Variants in VPS13D observed in about 807,000 individuals in gnomAD.
VPS13D encodes the protein intermembrane lipid transfer protein VPS13D.
VPS13D carries 187 observed loss-of-function variants against 461.9 expected under a neutral mutation model. The observed-to-expected ratio is 0.40, with a 90% CI of 0.36 to 0.46. The LOEUF (loss-of-function observed/expected upper bound fraction) is 0.46, where lower values mean the gene tolerates loss of function less well. Among genes scored for constraint, VPS13D ranks in the 20% least tolerant of loss-of-function variants. The pLI, the probability that VPS13D is intolerant of heterozygous loss-of-function variation, is 0.60. For synonymous variants in VPS13D, 1,951 were observed against 1,986.3 expected (o/e 0.98, Z 0.47); for missense variants, 4,711 against 5,364.9 (o/e 0.88, Z 3.81).
At chr1:12,435,224 T>G (rs1232139134) in intron 65 of VPS13D, among the ~76,000 whole-genome samples, 2 of 151,442 alleles carry the variant, frequency 1.3e-5, no homozygotes, top group Non-Finnish European at 1.5e-5. Flanking sequence ...TTTGGGAGAC[T>G]GAGGTGAGCA....
intron 13 of VPS13D, among the ~76,000 whole-genome samples, chr1:12,263,764 A>G (rs537257290): frequency 6.6e-6 from 1 of 152,360 alleles, no homozygotes; most frequent in Non-Finnish European, 1.5e-5. Flanking sequence ...TAAACTTAGT[A>G]TTAACTAGCA....
intron 67 of VPS13D, among the ~76,000 whole-genome samples, chr1:12,470,752 G>T (rs918038963): frequency 7.9e-5 from 12 of 152,232 alleles, no homozygotes; most frequent in South Asian, 4.1e-4. Context: ...TTTTCTTGAA[G>T]AACTCATTTT....
rs72869517 is a variant in VPS13D at position 12,492,533 on chromosome 1, G to A, written c.12663-4967G>A. Among the ~76,000 whole-genome samples, 665 of 152,296 alleles carry A rather than the reference G, an allele frequency of 4.4e-3. 5 individuals carry two copies. Among genetic ancestry groups the A allele is most frequent in the African/African-American group, 0.015 (626 of 41,554 alleles). ...CAAGTGTTGGATATAGATCGCTAGG[G>A]CCCCTTAAATGCCTCATTGGCAGGA... On this transcript the variant is annotated intron_variant, in intron 67 of 69. Coordinates refer to ENST00000620676, the MANE Select transcript of VPS13D (RefSeq NM_015378.4).
chr1:12,335,689 G>A lies in VPS13D; in HGVS notation c.8429-16G>A. ...CTTTTTTAGTTCTCTTAATATCTCT[G>A]GGGGATTCTTTCTAGACCAGTATGT... On this transcript the variant is annotated splice_polypyrimidine_tract_variant and intron_variant, in intron 38 of 69. Transcript: ENST00000620676. The A allele has an allele frequency of 1.1e-5, 17 of 1,598,626 alleles. No homozygotes were observed. Among genetic ancestry groups the A allele is most frequent in the Non-Finnish European group, 1.4e-5 (16 of 1,171,988 alleles).
At chr1:12,389,584 A>G (rs532939032) in intron 60 of VPS13D, among the ~76,000 whole-genome samples, 1 of 152,102 alleles carries the variant, frequency 6.6e-6, no homozygotes, top group Non-Finnish European at 1.5e-5. Context: ...TACATGCACA[A>G]ACATGTTTTT....
At chr1:12,293,779 A>G (rs1357618720) in intron 24 of VPS13D, 75 bp downstream of exon 24, 1 of 1,451,430 alleles carries the variant, frequency 6.9e-7, no homozygotes, top group Non-Finnish European at 9.3e-7. Flanking sequence ...CTAGAGATGA[A>G]TCTGGAAGAG....
intron 23 of VPS13D, among the ~76,000 whole-genome samples, chr1:12,293,287 T>C (rs1451977481): frequency 6.6e-6 from 1 of 152,130 alleles, no homozygotes; most frequent in Non-Finnish European, 1.5e-5. Flanking sequence ...GGCCTCTGAG[T>C]GACCTCAGTG....
rs1643608236 is a variant in VPS13D, at chr1:12,343,165, T to A, written c.8885+114T>A. On this transcript the variant is annotated intron_variant, in intron 42 of 69. Transcript: ENST00000620676. ...AATGATTTTATTTTATTTTATTTTA[T>A]CTTATCTTATTTTATTTTATTTTTG... is the stretch of plus-strand genomic sequence containing the variant. 4 of 879,422 alleles carry A rather than the reference T, an allele frequency of 4.5e-6. 1 individual carries two copies. The South Asian group carries it at 1.6e-4, about 35-fold the overall frequency. 54.5% of individuals were successfully genotyped at this position (879,422 alleles called of 1,614,324 possible).
chr1:12,241,764 C>G (rs1640382884), intron 2 of VPS13D, among the ~76,000 whole-genome samples: 1 of 152,092 alleles, frequency 6.6e-6, no homozygotes, highest in African/African-American at 2.4e-5. Context: ...AGTATAATTC[C>G]TTTTGAAGAC....
chr1:12,356,338 T>C, intron 48 of VPS13D, 60 bp from the exon 49 acceptor site: 2 of 1,551,374 alleles, frequency 1.3e-6, no homozygotes, highest in Admixed American at 2.0e-5. Flanking sequence ...CATTCACCAT[T>C]TGCATCTCTT....
rs940179136 is a variant in VPS13D, at chr1:12,283,555, A to G, written c.5453A>G (p.Asp1818Gly). The G allele has an allele frequency of 1.9e-6, 3 of 1,614,230 alleles. No homozygotes were observed. The highest frequency in any genetic ancestry group is 2.5e-6 in the Non-Finnish European group (3 of 1,180,034). The stretch of plus-strand genomic sequence containing the variant: ...ATTGATGTTGATTTTAATTGCTTGG[A>G]TGTGCTGATCACACTGCAAACCTGG... ...RSIDVDFNCL[D>G]VLITLQTWVV... Residue 1818 changes from aspartate (D) to glycine (G), a missense_variant, in exon 21 of 70, where the codon GAT becomes GGT. Physicochemically the swap from Asp to Gly is moderately conservative, Grantham distance 94. Transcript: ENST00000620676.
At chr1:12,501,661 G>A (rs929965506) in intron 68 of VPS13D, among the ~76,000 whole-genome samples, 7 of 152,166 alleles carry the variant, frequency 4.6e-5, no homozygotes, top group Non-Finnish European at 1.0e-4. Flanking sequence ...TATGTGCCAG[G>A]GTGAGTAAGA....
At chr1:12,361,403 A>ATTTTTT (rs1297978975) in intron 50 of VPS13D, among the ~76,000 whole-genome samples, 14 of 133,998 alleles carry the variant, frequency 1.0e-4, no homozygotes, top group African/African-American at 3.7e-4. Context: ...TTATTTATTT[A>ATTTTTT]TTTTTTTTTT....
rs1352355535 is a variant in VPS13D, at chr1:12,279,605, T to C, written c.4557T>C (p.Thr1519=). The part of the protein sequence containing the change: ...TFSLSPDDLG[T]SSIMKIEGKF... ...CTCTTAGCCCAGATGACCTGGGAAC[T>C]TCTAGCATCATGAAGATTGAAGGAA... The change falls in exon 20 of 70, where the codon ACT becomes ACC. Residue 1519 remains threonine (T), a synonymous_variant. Transcript: ENST00000620676. The surrounding 1 kb of genome is among the most constrained non-coding windows in gnomAD (Gnocchi z 4.3). 1 of 1,612,894 alleles carries C rather than the reference T, an allele frequency of 6.2e-7. No homozygotes were observed. Among genetic ancestry groups the C allele is most frequent in the Non-Finnish European group, 8.5e-7 (1 of 1,179,274 alleles).
chr1:12,474,749 C>T (rs1036270473), intron 67 of VPS13D, among the ~76,000 whole-genome samples: 4 of 152,108 alleles, frequency 2.6e-5, no homozygotes, highest in African/African-American at 7.2e-5. Flanking sequence ...TCCTAATTCC[C>T]GAAATTTAAC....
chr1:12,429,328 T>C (rs961602450), intron 65 of VPS13D, among the ~76,000 whole-genome samples: 3 of 152,078 alleles, frequency 2.0e-5, no homozygotes, highest in Non-Finnish European at 4.4e-5. Flanking sequence ...GTTTCACTCT[T>C]GTCACCCAGG....
At chr1:12,254,968 C>T (rs1375057378) in intron 7 of VPS13D, among the ~76,000 whole-genome samples, 3 of 147,532 alleles carry the variant, frequency 2.0e-5, no homozygotes, top group East Asian at 2.0e-4. Flanking sequence ...TTTTTTGAGA[C>T]GGCATCTCGC....
At chr1:12,241,765 T>C (rs1640383039) in intron 2 of VPS13D, among the ~76,000 whole-genome samples, 1 of 152,234 alleles carries the variant, frequency 6.6e-6, no homozygotes, top group Non-Finnish European at 1.5e-5. Context: ...GTATAATTCC[T>C]TTTGAAGACC....
At position 12,276,076 on chromosome 1, in the gene VPS13D, C is replaced by T. The variant is rs1375929155; in HGVS notation, c.2488C>T (p.Arg830Ter). 3.7e-6 allele frequency: 6 copies of T among 1,613,888 alleles called. No individual in the cohort carries two copies. Among genetic ancestry groups the T allele is most frequent in the Non-Finnish European group, 3.4e-6 (4 of 1,180,032 alleles). ...SFMDLQIMVG[R>*]VKDNWKHVQD... ...TATGGACCTCCAGATCATGGTTGGA[C>T]GAGTGAAAGACAATTGGAAGCATGT... The change falls in exon 19 of 70, where the codon CGA (arginine) becomes TGA (stop). Residue 830 changes from arginine (R) to a stop codon, truncating the protein, a stop_gained. Coordinates refer to ENST00000620676, the MANE Select transcript of VPS13D (RefSeq NM_015378.4). LOFTEE classifies it high-confidence loss of function. The surrounding 1 kb of genome is among the most constrained non-coding windows in gnomAD (Gnocchi z 4.5).
Sources: allele counts gnomAD v4.1 joint callset (sites outside exome capture counted in the v4.1 genomes callset), GRCh38; gene constraint gnomAD v4.1.1; non-coding constraint Gnocchi (gnomAD v3.1); transcripts MANE v1.5; gene names NCBI Gene and HGNC (gene_info 2026-07-23, HGNC 2026-07-21).